TMEM132D: variants seen among roughly 807,000 people sequenced by gnomAD.
TMEM132D encodes the protein mature OL transmembrane protein.
Under a neutral mutation model 62.3 loss-of-function variants are expected in TMEM132D, and 21 were observed. The observed-to-expected ratio is 0.34, with a 90% CI of 0.24 to 0.49. The LOEUF is 0.49. Among genes scored for constraint, TMEM132D ranks in the 20% least tolerant of loss-of-function variants. The pLI is 0.99. For synonymous variants in TMEM132D, 621 were observed against 575.6 expected (o/e 1.08, Z -1.13); for missense variants, 1,346 against 1,402.8 (o/e 0.96, Z 0.65).
At chr12:129,858,607 C>T (rs1247680536) in intron 1 of TMEM132D, among the ~76,000 whole-genome samples, 2 of 41,282 alleles carry the variant, frequency 4.8e-5, no homozygotes, top group Non-Finnish European at 1.0e-4. Context: ...GATGGGTGCC[C>T]TTGTAACAGA....
intron 1 of TMEM132D, among the ~76,000 whole-genome samples, chr12:129,898,963 T>C (rs1216141869): frequency 1.3e-5 from 2 of 152,200 alleles, no homozygotes; most frequent in South Asian, 2.1e-4. Context: ...ATGAGGCACT[T>C]TGACATCTAG....
chr12:129,161,137 C>T (rs560130743), intron 5 of TMEM132D, among the ~76,000 whole-genome samples: 33 of 152,256 alleles, frequency 2.2e-4, no homozygotes, highest in African/African-American at 7.5e-4. Context: ...GCTTCCTTCC[C>T]CAAACCTGTA....
intron 4 of TMEM132D, among the ~76,000 whole-genome samples, chr12:129,330,484 G>A (rs752541845): frequency 2.0e-5 from 3 of 152,334 alleles, no homozygotes; most frequent in Non-Finnish European, 4.4e-5. Context: ...CCCTACACTC[G>A]TGAATGAATT....
At chr12:129,822,127 C>T (rs765061581) in intron 1 of TMEM132D, among the ~76,000 whole-genome samples, 5 of 151,930 alleles carry the variant, frequency 3.3e-5, no homozygotes, top group Non-Finnish European at 5.9e-5. Flanking sequence ...AACCAAGAGA[C>T]GGGAAAGAGG....
rs551613761 is a variant in TMEM132D, at chr12:129,522,936, T to C, written c.1115+8123A>G. Among the ~76,000 whole-genome samples, 77 of 125,754 alleles carry C rather than the reference T, an allele frequency of 6.1e-4. No homozygotes were observed. The South Asian group carries it at 0.015, about 24-fold the overall frequency. 82.5% of individuals were successfully genotyped at this position (125,754 alleles called of 152,430 possible). On this transcript the variant is annotated intron_variant, in intron 3 of 8. Transcript: ENST00000422113. ...TATATGTAGACATAGATTAGATATA[T>C]ATGTAGACATAGATTATATATATAT...
chr12:129,546,544 G>A (rs1428595473), intron 2 of TMEM132D, among the ~76,000 whole-genome samples: 1 of 152,112 alleles, frequency 6.6e-6, no homozygotes, highest in Non-Finnish European at 1.5e-5. Context: ...GCAAGGCTAG[G>A]ATTTAAATTA....
chr12:129,747,391 C>T (rs1302735437), intron 1 of TMEM132D, among the ~76,000 whole-genome samples: 2 of 150,288 alleles, frequency 1.3e-5, no homozygotes, highest in South Asian at 2.1e-4. Flanking sequence ...GAAAGCTCCA[C>T]ACACACACTC....
At position 129,679,776 on chromosome 12, in the gene TMEM132D, T is replaced by A. The variant is rs548728847; in HGVS notation, c.968+20034A>T. Among the ~76,000 whole-genome samples, 165 of 151,838 alleles carry A rather than the reference T, an allele frequency of 1.1e-3. No individual in the cohort carries two copies. In the East Asian group the frequency reaches 0.019, roughly 17 times the overall value. On this transcript the variant is annotated intron_variant, in intron 2 of 8. Coordinates refer to ENST00000422113, the MANE Select transcript of TMEM132D (RefSeq NM_133448.3). ...CTTTCAGTTTATTAAATTTATATTTTAAAAAAAAATTCCACCCACTCTAAG... is the reference window on the plus strand; with the variant it reads ...CTTTCAGTTTATTAAATTTATATTTAAAAAAAAAATTCCACCCACTCTAAG...
chr12:129,179,308 C>T (rs1312012550), intron 5 of TMEM132D, among the ~76,000 whole-genome samples: 1 of 151,714 alleles, frequency 6.6e-6, no homozygotes, highest in Non-Finnish European at 1.5e-5. Context: ...GTGGTCCCTC[C>T]AGAGGTAGCC....
At chr12:129,228,954 G>A (rs996609467) in intron 4 of TMEM132D, among the ~76,000 whole-genome samples, 17 of 152,156 alleles carry the variant, frequency 1.1e-4, no homozygotes, top group African/African-American at 3.4e-4. Flanking sequence ...CAGCAATTCC[G>A]GGGCATCATT....
rs1168212901 is a variant in TMEM132D at position 129,356,457 on chromosome 12, G to A, written c.1116-18640C>T. Among the ~76,000 whole-genome samples, 9 of 150,412 alleles carry A rather than the reference G, an allele frequency of 6.0e-5. 4 individuals are homozygous for A. The highest frequency in any genetic ancestry group is 2.7e-4 in the Admixed American group (4 of 15,092). On this transcript the variant is annotated intron_variant, in intron 3 of 8. Coordinates refer to ENST00000422113, the MANE Select transcript of TMEM132D (RefSeq NM_133448.3). Reference sequence around the variant, plus strand: ...CAGGCGTGAGCCACCGCGCCCGGCCGGGATTTTTAAAGTAAGGCGGATGCC... The same window carrying A: ...CAGGCGTGAGCCACCGCGCCCGGCCAGGATTTTTAAAGTAAGGCGGATGCC...
intron 1 of TMEM132D, among the ~76,000 whole-genome samples, chr12:129,756,406 C>T (rs896512): frequency 0.94 from 142,608 of 152,266 alleles, 67,514 homozygotes; most frequent in East Asian, 1. Flanking sequence ...GGGGACACTA[C>T]GCTAAGTGAA....
chr12:129,075,319 T>C (rs1245222992), intron 8 of TMEM132D, among the ~76,000 whole-genome samples: 2 of 98,074 alleles, frequency 2.0e-5, no homozygotes, highest in Admixed American at 9.2e-5. Context: ...GAAGATTTGC[T>C]TTTTTTTTTT....
At chr12:129,555,768 T>G (rs1043490717) in intron 2 of TMEM132D, among the ~76,000 whole-genome samples, 1 of 152,200 alleles carries the variant, frequency 6.6e-6, no homozygotes, top group East Asian at 1.9e-4. Context: ...ACTCATTGAT[T>G]ATATATATTA....
chr12:129,417,280 T>C (rs916092261), intron 3 of TMEM132D, among the ~76,000 whole-genome samples: 1 of 152,134 alleles, frequency 6.6e-6, no homozygotes, highest in Non-Finnish European at 1.5e-5. Flanking sequence ...GGAGGCATCA[T>C]ACTACCTGAC....
chr12:129,310,268 G>C (rs1311467189), intron 4 of TMEM132D, among the ~76,000 whole-genome samples: 1 of 152,164 alleles, frequency 6.6e-6, no homozygotes, highest in African/African-American at 2.4e-5. Context: ...CCAGGGAACC[G>C]GTCAGGGCCT....
At chr12:129,247,369 G>A (rs138863250) in intron 4 of TMEM132D, among the ~76,000 whole-genome samples, 10 of 152,224 alleles carry the variant, frequency 6.6e-5, no homozygotes, top group East Asian at 5.8e-4. Context: ...TAGACCAAAC[G>A]CCCAACTTGT....
intron 1 of TMEM132D, among the ~76,000 whole-genome samples, chr12:129,831,876 C>T (rs868454171): frequency 4.4e-4 from 59 of 134,882 alleles, no homozygotes; most frequent in South Asian, 9.5e-4. Context: ...CTTTCTTTTT[C>T]TTTTTTTTTT....
intron 1 of TMEM132D, among the ~76,000 whole-genome samples, chr12:129,776,229 A>G (rs2137286812): frequency 6.6e-6 from 1 of 152,294 alleles, no homozygotes; most frequent in Middle Eastern, 3.4e-3. Flanking sequence ...CAATTGCTCC[A>G]TAACCACACG....
Sources: allele counts gnomAD v4.1 joint callset (sites outside exome capture counted in the v4.1 genomes callset), GRCh38; gene constraint gnomAD v4.1.1; transcripts MANE v1.5; gene names NCBI Gene and HGNC (gene_info 2026-07-23, HGNC 2026-07-21).